The following BMAL1 variants were observed in gnomAD, a reference collection of about 807,000 sequenced individuals.
BMAL1 encodes the protein basic helix-loop-helix ARNT-like protein 1.
chr11:13,340,662 G>C, the BMAL1 span, among the ~76,000 whole-genome samples: 5 of 151,994 alleles, frequency 3.3e-5, no homozygotes, highest in Admixed American at 3.3e-4. Flanking sequence ...TCGTTCCCAG[G>C]GGTCAATGTC....
At chr11:13,362,133 C>G in the BMAL1 span, among the ~76,000 whole-genome samples, 17 of 152,278 alleles carry the variant, frequency 1.1e-4, no homozygotes, top group Admixed American at 9.8e-4. Flanking sequence ...CATGCATTTG[C>G]TCGATTCCTT....
At chr11:13,325,054 C>A in the BMAL1 span, among the ~76,000 whole-genome samples, 1 of 152,178 alleles carries the variant, frequency 6.6e-6, no homozygotes, top group Non-Finnish European at 1.5e-5. Flanking sequence ...ACCTGAAGAT[C>A]TTTGAGTGTC....
chr11:13,342,621 C>A, the BMAL1 span, among the ~76,000 whole-genome samples: 1 of 151,758 alleles, frequency 6.6e-6, no homozygotes, highest in Non-Finnish European at 1.5e-5. Context: ...ACCAGCATTC[C>A]CTATACGTAT....
At chr11:13,350,919 T>A in the BMAL1 span, among the ~76,000 whole-genome samples, 6 of 152,228 alleles carry the variant, frequency 3.9e-5, no homozygotes, top group Non-Finnish European at 7.3e-5. Flanking sequence ...ATATTCTTAG[T>A]ATACAAATTT....
the BMAL1 span, chr11:13,358,464 T>C: frequency 3.0e-5 from 49 of 1,606,712 alleles, no homozygotes; most frequent in Non-Finnish European, 4.0e-5. Context: ...AAAAGCGGCG[T>C]CGGGATAAAA....
At chr11:13,284,308 T>G in the BMAL1 span, among the ~76,000 whole-genome samples, 1 of 145,516 alleles carries the variant, frequency 6.9e-6, no homozygotes, top group Non-Finnish European at 1.5e-5. Context: ...TACATTTAGA[T>G]AGTAAGGGAC....
chr11:13,376,854 G>GAA, the BMAL1 span: 1 of 816,380 alleles, frequency 1.2e-6, no homozygotes, highest in Non-Finnish European at 1.9e-6. Flanking sequence ...GCCTCGAGGG[G>GAA]ATGATGTGCG....
the BMAL1 span, among the ~76,000 whole-genome samples, chr11:13,300,280 A>G: frequency 6.6e-6 from 1 of 152,252 alleles, no homozygotes; most frequent in African/African-American, 2.4e-5. Context: ...ATGCTACATT[A>G]AGCCATCTCT....
the BMAL1 span, chr11:13,379,890 G>T: frequency 6.6e-6 from 1 of 152,218 alleles, no homozygotes; most frequent in Non-Finnish European, 1.5e-5. Context: ...GAAGAAACCT[G>T]TAAGACCCCA....
chr11:13,285,031 G>C, the BMAL1 span, among the ~76,000 whole-genome samples: 1 of 152,130 alleles, frequency 6.6e-6, no homozygotes, highest in Non-Finnish European at 1.5e-5. Flanking sequence ...TGCTTAAATT[G>C]TTCCCTTGAG....
chr11:13,304,996 A>G, the BMAL1 span, among the ~76,000 whole-genome samples: 1 of 152,176 alleles, frequency 6.6e-6, no homozygotes, highest in African/African-American at 2.4e-5. Flanking sequence ...GCCTTTCTCT[A>G]CATCTAGGTA....
At chr11:13,284,206 A>G in the BMAL1 span, among the ~76,000 whole-genome samples, 1 of 43,428 alleles carries the variant, frequency 2.3e-5, no homozygotes, top group African/African-American at 7.2e-5. Context: ...GTGTATATAT[A>G]TATGTGTATA....
At chr11:13,289,294 T>A in the BMAL1 span, among the ~76,000 whole-genome samples, 1 of 152,190 alleles carries the variant, frequency 6.6e-6, no homozygotes, top group African/African-American at 2.4e-5. Flanking sequence ...TTCCCCTACC[T>A]CCAGGGCATG....
At chr11:13,342,272 G>A in the BMAL1 span, among the ~76,000 whole-genome samples, 3 of 152,216 alleles carry the variant, frequency 2.0e-5, no homozygotes, top group South Asian at 6.2e-4. Context: ...CAAAGGAAGT[G>A]GCCAGAGACC....
chr11:13,380,958 G>T, the BMAL1 span: 1 of 544,002 alleles, frequency 1.8e-6, no homozygotes, highest in Non-Finnish European at 3.3e-6. Flanking sequence ...CGTATCTGTG[G>T]CTGCTTTCAA....
At chr11:13,340,232 G>GA in the BMAL1 span, among the ~76,000 whole-genome samples, 6 of 152,186 alleles carry the variant, frequency 3.9e-5, no homozygotes, top group African/African-American at 1.4e-4. Flanking sequence ...GGACATAAGA[G>GA]ATGCCCCCAG....
the BMAL1 span, among the ~76,000 whole-genome samples, chr11:13,297,311 G>C: frequency 6.6e-6 from 1 of 152,222 alleles, no homozygotes; most frequent in African/African-American, 2.4e-5. Context: ...AGGCTGTAGG[G>C]ATGAAGGAGT....
At chr11:13,344,670 G>T in the BMAL1 span, among the ~76,000 whole-genome samples, 4 of 152,208 alleles carry the variant, frequency 2.6e-5, no homozygotes, top group African/African-American at 9.7e-5. Context: ...AGCAAGGCTC[G>T]CCACAGGCTG....
At chr11:13,377,742 T>C in the BMAL1 span, among the ~76,000 whole-genome samples, 1 of 152,242 alleles carries the variant, frequency 6.6e-6, no homozygotes, top group South Asian at 2.1e-4. Context: ...CATGCTCTCA[T>C]CATCATTTAT....
Sources: allele counts gnomAD v4.1 joint callset (sites outside exome capture counted in the v4.1 genomes callset), GRCh38; gene constraint gnomAD v4.1.1; transcripts MANE v1.5; gene names NCBI Gene and HGNC (gene_info 2026-07-23, HGNC 2026-07-21).